Variants in MAPK10 observed in about 807,000 individuals in gnomAD.
MAPK10 encodes mitogen-activated protein kinase 10.
In MAPK10, 25 loss-of-function variants were observed where a neutral mutation model predicts 59.3. The ratio of observed to expected loss-of-function variants is 0.42; its 90% CI spans 0.31 to 0.59. The LOEUF (loss-of-function observed/expected upper bound fraction) is 0.59. Ranked by LOEUF, MAPK10 falls within the 20% of genes least tolerant of loss-of-function variation. The pLI is 0.15. For missense variants in MAPK10, 351 were observed against 568.9 expected, an observed-to-expected ratio of 0.62 and a Z score of 3.90; for synonymous variants, 190 against 200.5, an observed-to-expected ratio of 0.95 and a Z score of 0.44.
chr4:86,573,848 T>C (rs1405356347), intron 1 of MAPK10, among the ~76,000 whole-genome samples: 1 of 152,248 alleles, frequency 6.6e-6, no homozygotes, highest in Non-Finnish European at 1.5e-5. Context: ...GCTATTGTTA[T>C]ATTTTTTAAA....
At chr4:86,328,746 C>T (rs1272665932) in intron 2 of MAPK10, among the ~76,000 whole-genome samples, 1 of 152,140 alleles carries the variant, frequency 6.6e-6, no homozygotes, top group African/African-American at 2.4e-5. Context: ...CAAACTAACA[C>T]AGGAACAGAA....
At chr4:86,363,960 T>G (rs1221575966), upstream of MAPK10, among the ~76,000 whole-genome samples, 1 of 152,042 alleles carries the variant, frequency 6.6e-6, no homozygotes, top group Non-Finnish European at 1.5e-5. Context: ...TTTTTTATTT[T>G]TAGCAGAGAT....
intron 1 of MAPK10, among the ~76,000 whole-genome samples, chr4:86,548,736 C>T (rs1272718036): frequency 6.6e-6 from 1 of 152,116 alleles, no homozygotes; most frequent in East Asian, 1.9e-4. Context: ...TGAGAACAGA[C>T]TAATGCAGGT....
chr4:86,498,929 C>A (rs1400373998), intron 1 of MAPK10, among the ~76,000 whole-genome samples: 2 of 152,138 alleles, frequency 1.3e-5, no homozygotes, highest in African/African-American at 2.4e-5. Context: ...CTGAAACATG[C>A]ACTGTTTCAG....
intron 9 of MAPK10, among the ~76,000 whole-genome samples, chr4:86,071,266 G>A (rs1409543436): frequency 6.6e-6 from 1 of 150,728 alleles, no homozygotes; most frequent in Non-Finnish European, 1.5e-5. Context: ...AAATTTGTTT[G>A]AGTTCATTGT....
intron 4 of MAPK10, among the ~76,000 whole-genome samples, chr4:86,136,033 T>C (rs1279511373): frequency 2.6e-5 from 4 of 152,152 alleles, no homozygotes; most frequent in African/African-American, 9.7e-5. Flanking sequence ...TATGGGACTA[T>C]GTGAAAAGAC....
intron 2 of MAPK10, among the ~76,000 whole-genome samples, chr4:86,324,407 C>T (rs1192299231): frequency 6.6e-6 from 1 of 151,356 alleles, no homozygotes; most frequent in African/African-American, 2.4e-5. Context: ...GCAAGGGAAA[C>T]TCCACCTCAA....
chr4:86,469,019 A>G (rs1259393672), intron 1 of MAPK10, among the ~76,000 whole-genome samples: 1 of 152,220 alleles, frequency 6.6e-6, no homozygotes, highest in African/African-American at 2.4e-5. Flanking sequence ...GGGAAAGCAA[A>G]GACTCAGAGG....
chr4:86,318,190 C>T (rs1248562773), intron 2 of MAPK10, among the ~76,000 whole-genome samples: 2 of 152,116 alleles, frequency 1.3e-5, no homozygotes, highest in East Asian at 3.9e-4. Flanking sequence ...TTCTGGTGGA[C>T]ATAAATTTTG....
At chr4:86,585,053 A>G (rs1762568329) in intron 1 of MAPK10, among the ~76,000 whole-genome samples, 1 of 152,212 alleles carries the variant, frequency 6.6e-6, no homozygotes, top group Non-Finnish European at 1.5e-5. Flanking sequence ...CGGAGAAAGG[A>G]AGATTATTCA....
At position 86,166,895 on chromosome 4, in the gene MAPK10, TAG is replaced by T. The variant is rs1227646994; in HGVS notation, c.67-7430_67-7429del. 4.6e-5 allele frequency among the ~76,000 whole-genome samples: 7 copies of T among 151,514 alleles called. No homozygotes were observed. In the South Asian group the frequency reaches 1.5e-3, roughly 32 times the overall value. On this transcript the variant is annotated intron_variant, in intron 3 of 13. Coordinates refer to ENST00000641462, the MANE Select transcript of MAPK10 (RefSeq NM_138982.4). ...AAGATCAGAGCAGAATAGAAAAACA[TAG>T]AGACACAAAAAAAAACCTTCAAAAA...
intron 1 of MAPK10, among the ~76,000 whole-genome samples, chr4:86,516,654 T>C (rs1391251061): frequency 6.6e-6 from 1 of 151,950 alleles, no homozygotes; most frequent in Non-Finnish European, 1.5e-5. Context: ...TGTTTGTTTT[T>C]TGTTTGTTTG....
At chr4:86,278,412 G>A (rs561079214) in intron 2 of MAPK10, among the ~76,000 whole-genome samples, 15 of 152,270 alleles carry the variant, frequency 9.9e-5, no homozygotes, top group Admixed American at 2.0e-4. Flanking sequence ...ACATCACAGG[G>A]AACGTTAGTT....
chr4:86,267,676 T>C (rs2148762057), intron 2 of MAPK10, among the ~76,000 whole-genome samples: 1 of 152,250 alleles, frequency 6.6e-6, no homozygotes, highest in African/African-American at 2.4e-5. Context: ...TCATGATTTT[T>C]GCACTTGCTT....
chr4:86,280,472 G>A (rs749244152), intron 2 of MAPK10, among the ~76,000 whole-genome samples: 31 of 152,172 alleles, frequency 2.0e-4, no homozygotes, highest in Non-Finnish European at 3.7e-4. Context: ...GCAAGGCTGC[G>A]AAGAAAAGGG....
intron 3 of MAPK10, among the ~76,000 whole-genome samples, chr4:86,167,704 G>A (rs1483645164): frequency 6.6e-6 from 1 of 152,090 alleles, no homozygotes; most frequent in South Asian, 2.1e-4. Context: ...ACTAGGTATG[G>A]ACATAACATA....
At chr4:86,077,434 T>A (rs2149022631) in intron 9 of MAPK10, among the ~76,000 whole-genome samples, 1 of 152,302 alleles carries the variant, frequency 6.6e-6, no homozygotes, top group Non-Finnish European at 1.5e-5. Context: ...GACTAATCCT[T>A]TTCTGCGTAT....
intron 1 of MAPK10, among the ~76,000 whole-genome samples, chr4:86,516,361 G>A (rs1756661871): frequency 6.6e-6 from 1 of 152,084 alleles, no homozygotes; most frequent in South Asian, 2.1e-4. Context: ...CTTTGGATAT[G>A]TGGGCTCTTT....
chr4:86,097,700 G>T (rs1282302730), intron 9 of MAPK10, among the ~76,000 whole-genome samples: 1 of 151,850 alleles, frequency 6.6e-6, no homozygotes, highest in Admixed American at 6.6e-5. Context: ...AAACTTTATT[G>T]TCTATATATT....
Sources: allele counts gnomAD v4.1 joint callset (sites outside exome capture counted in the v4.1 genomes callset), GRCh38; gene constraint gnomAD v4.1.1; transcripts MANE v1.5; gene names NCBI Gene and HGNC (gene_info 2026-07-23, HGNC 2026-07-21).